The following RNF180 variants were observed in gnomAD, a reference collection of about 807,000 sequenced individuals.
RNF180 encodes ring finger protein 180, also known as E3 ubiquitin-protein ligase RNF180.
A neutral mutation model predicts 59.2 loss-of-function variants in RNF180; 38 were observed. That is an observed-to-expected ratio of 0.64 (90% CI 0.50 to 0.84). The LOEUF is 0.84. Among genes scored for constraint, RNF180 ranks in the 40% least tolerant of loss-of-function variants. The pLI, the probability that RNF180 is intolerant of heterozygous loss-of-function variation, is 0.00. For missense variants in RNF180, 705 were observed against 700.9 expected, an observed-to-expected ratio of 1.01 and a Z score of -0.07; for synonymous variants, 262 against 240.3, an observed-to-expected ratio of 1.09 and a Z score of -0.84.
At position 64,231,554 on chromosome 5, in the gene RNF180, C is replaced by T. The variant is rs993736968; in HGVS notation, c.1227+14158C>T. ...GAGTTGTGCTCTCTTTCGGTTAATT[C>T]GTTAGTTATATAGGTCCCAAATCAT... On this transcript the variant is annotated intron_variant, in intron 5 of 7. Coordinates refer to ENST00000389100, the MANE Select transcript of RNF180 (RefSeq NM_001113561.2). Among the ~76,000 whole-genome samples the T allele has an allele frequency of 7.2e-5, 11 of 152,184 alleles. No homozygotes were observed. In the East Asian group the frequency reaches 9.6e-4, roughly 13 times the overall value.
intron 7 of RNF180, among the ~76,000 whole-genome samples, chr5:64,367,998 G>A (rs1020039251): frequency 6.6e-6 from 1 of 151,664 alleles, no homozygotes; most frequent in Non-Finnish European, 1.5e-5. Flanking sequence ...CTATTGAGCA[G>A]GTTTTTTCTC....
chr5:64,240,114 C>T (rs1742710709), intron 5 of RNF180, among the ~76,000 whole-genome samples: 1 of 152,154 alleles, frequency 6.6e-6, no homozygotes, highest in African/African-American at 2.4e-5. Flanking sequence ...CCATGTCCTT[C>T]TTCTGCACAA....
chr5:64,275,471 G>A (rs1741663261), intron 5 of RNF180, among the ~76,000 whole-genome samples: 1 of 150,944 alleles, frequency 6.6e-6, no homozygotes, highest in African/African-American at 2.4e-5. Context: ...AGAGAGGAAA[G>A]GAAATAATTT....
At chr5:64,220,147 A>G (rs1752836760) in intron 5 of RNF180, among the ~76,000 whole-genome samples, 1 of 151,826 alleles carries the variant, frequency 6.6e-6, no homozygotes, top group South Asian at 2.1e-4. Flanking sequence ...TATTAAGTTT[A>G]TTGATATTTT....
rs113529935 is a variant in RNF180, at chr5:64,281,932, C to T, written c.1228-43254C>T. Among the ~76,000 whole-genome samples, 1,365 of 152,242 alleles carry T rather than the reference C, an allele frequency of 9.0e-3. 18 individuals are homozygous for T. Among genetic ancestry groups the T allele is most frequent in the African/African-American group, 0.031 (1,300 of 41,536 alleles). ...TATTGATTTGCATATGTTGGACCTACCTTGCATCCCAGGGATAAAGCCTAC... is the reference window on the plus strand; with the variant it reads ...TATTGATTTGCATATGTTGGACCTATCTTGCATCCCAGGGATAAAGCCTAC... On this transcript the variant is annotated intron_variant, in intron 5 of 7. Transcript: ENST00000389100.
intron 5 of RNF180, among the ~76,000 whole-genome samples, chr5:64,321,601 T>C (rs1469744182): frequency 6.6e-6 from 1 of 152,176 alleles, no homozygotes; most frequent in Non-Finnish European, 1.5e-5. Context: ...CCCAAAGTAA[T>C]TTATAGATTC....
At chr5:64,274,585 C>T (rs760461385) in intron 5 of RNF180, among the ~76,000 whole-genome samples, 4 of 151,960 alleles carry the variant, frequency 2.6e-5, no homozygotes, top group Non-Finnish European at 5.9e-5. Context: ...TGGCTTTTAC[C>T]AGTAAAAGAC....
chr5:64,263,640 A>G (rs1278308617), intron 5 of RNF180, among the ~76,000 whole-genome samples: 7 of 152,178 alleles, frequency 4.6e-5, no homozygotes, highest in Non-Finnish European at 7.3e-5. Flanking sequence ...TTCATAATCC[A>G]TAATTCATGA....
chr5:64,228,526 A>T (rs1013294971), intron 5 of RNF180, among the ~76,000 whole-genome samples: 2 of 152,156 alleles, frequency 1.3e-5, no homozygotes, highest in African/African-American at 4.8e-5. Context: ...AAATAAAATA[A>T]AATGCCAAAT....
At chr5:64,222,719 A>G (rs916545552) in intron 5 of RNF180, among the ~76,000 whole-genome samples, 1 of 152,204 alleles carries the variant, frequency 6.6e-6, no homozygotes, top group Non-Finnish European at 1.5e-5. Context: ...ACAGTGAGTC[A>G]CTATTATCAA....
intron 5 of RNF180, among the ~76,000 whole-genome samples, chr5:64,281,009 A>C (rs554365959): frequency 6.6e-6 from 1 of 152,342 alleles, no homozygotes; most frequent in Admixed American, 6.5e-5. Context: ...TTTTCATTGC[A>C]GAGATCTTTC....
chr5:64,321,197 T>TG (rs1744330255), intron 5 of RNF180, among the ~76,000 whole-genome samples: 2 of 151,224 alleles, frequency 1.3e-5, no homozygotes. Context: ...AAAAAAAGGG[T>TG]GGGGGGTATG....
intron 5 of RNF180, among the ~76,000 whole-genome samples, chr5:64,304,288 A>G (rs1016565673): frequency 2.0e-5 from 3 of 151,630 alleles, no homozygotes; most frequent in Non-Finnish European, 4.4e-5. Context: ...AGTAATTCTG[A>G]CTTTAAAGTC....
In RNF180 at chr5:64,217,541, G is replaced by A; in HGVS notation, c.1227+145G>A. The A allele has an allele frequency of 3.2e-6, 4 of 1,239,250 alleles. No individual in the cohort carries two copies. The East Asian group carries it at 1.2e-4, about 37-fold the overall frequency. 76.8% of individuals were successfully genotyped at this position (1,239,250 alleles called of 1,614,324 possible). A position where few individuals can be genotyped will look rare whatever the true frequency, so the allele number is the denominator to read the frequency against. ...GTATTCTCAGTGTTTTAAAATTTTA[G>A]TCATTCAAATACATAGACAGTTGTA... On this transcript the variant is annotated intron_variant, in intron 5 of 7. Coordinates refer to ENST00000389100, the MANE Select transcript of RNF180 (RefSeq NM_001113561.2).
intron 5 of RNF180, among the ~76,000 whole-genome samples, chr5:64,256,214 A>G (rs1743943825): frequency 6.6e-6 from 1 of 151,918 alleles, no homozygotes; most frequent in South Asian, 2.1e-4. Flanking sequence ...ATTAGATCCC[A>G]TTTGTCAATT....
At chr5:64,337,716 C>A (rs542257816) in intron 7 of RNF180, among the ~76,000 whole-genome samples, 6 of 138,258 alleles carry the variant, frequency 4.3e-5, no homozygotes, top group Non-Finnish European at 9.1e-5. Flanking sequence ...TCCATGTGTT[C>A]TCATTGTTCA....
intron 5 of RNF180, among the ~76,000 whole-genome samples, chr5:64,276,394 T>G (rs1346656641): frequency 6.6e-6 from 1 of 151,272 alleles, no homozygotes; most frequent in Non-Finnish European, 1.5e-5. Flanking sequence ...TGTGTGTGTT[T>G]ATTTATTTTC....
intron 5 of RNF180, among the ~76,000 whole-genome samples, chr5:64,270,970 T>A (rs1741365165): frequency 6.6e-6 from 1 of 152,116 alleles, no homozygotes; most frequent in Non-Finnish European, 1.5e-5. Context: ...GAAATTGACT[T>A]CTTTAAATGT....
Position 64,330,412 on chromosome 5 carries a change from G to A in RNF180, c.1579+6G>A, listed in dbSNP as rs2112536915. On this transcript the variant is annotated splice_donor_region_variant and intron_variant, in intron 7 of 7. Transcript: ENST00000389100. Reference sequence around the variant, plus strand: ...AGCATTTCATCTTTTTGGAGGTAAGGAAATCTAACGCCAAAAAAAAAGTCT... The same window carrying A: ...AGCATTTCATCTTTTTGGAGGTAAGAAAATCTAACGCCAAAAAAAAAGTCT... 1.3e-6 allele frequency: 2 copies of A among 1,529,382 alleles called. No individual in the cohort carries two copies. The highest frequency in any genetic ancestry group is 1.8e-6 in the Non-Finnish European group (2 of 1,141,676). 94.7% of individuals were successfully genotyped at this position (1,529,382 alleles called of 1,614,324 possible).
Sources: allele counts gnomAD v4.1 joint callset (sites outside exome capture counted in the v4.1 genomes callset), GRCh38; gene constraint gnomAD v4.1.1; transcripts MANE v1.5; gene names NCBI Gene and HGNC (gene_info 2026-07-23, HGNC 2026-07-21).